The following AFAP1L1 variants were observed in gnomAD, a reference collection of about 807,000 sequenced individuals.
AFAP1L1 encodes the protein actin filament-associated protein 1-like 1.
Under a neutral mutation model 99.8 loss-of-function variants are expected in AFAP1L1, and 77 were observed. The observed-to-expected ratio is 0.77, with a 90% CI of 0.64 to 0.93. AFAP1L1 has a LOEUF of 0.93. Ranked by LOEUF, AFAP1L1 falls within the 40% of genes least tolerant of loss-of-function variation. The pLI, the probability that AFAP1L1 is intolerant of heterozygous loss-of-function variation, is 0.00. For missense variants in AFAP1L1, 893 were observed against 996.8 expected, an observed-to-expected ratio of 0.90 and a Z score of 1.40; for synonymous variants, 373 against 395.3, an observed-to-expected ratio of 0.94 and a Z score of 0.67.
At chr5:149,337,088 T>A (rs998903707) in intron 18 of AFAP1L1, among the ~76,000 whole-genome samples, 3 of 152,172 alleles carry the variant, frequency 2.0e-5, no homozygotes, top group Admixed American at 2.0e-4. Context: ...AATATAAAAT[T>A]AATCTTTATT....
chr5:149,317,952 G>C lies in AFAP1L1; in HGVS notation c.1479+12G>C. On this transcript the variant is annotated intron_variant, in intron 12 of 18. Coordinates refer to ENST00000296721, the MANE Select transcript of AFAP1L1 (RefSeq NM_152406.4). ...TGGCCATCTTGGAGGTGAGAGGAGA[G>C]GGTGGGACGTGGGTGGCTCTTGGTC... is the stretch of plus-strand genomic sequence containing the variant. 1 of 1,559,192 alleles carries C rather than the reference G, an allele frequency of 6.4e-7. No individual in the cohort carries two copies. The highest frequency in any genetic ancestry group is 1.4e-5 in the African/African-American group (1 of 73,600).
chr5:149,291,662 T>G (rs1755866524), intron 1 of AFAP1L1, among the ~76,000 whole-genome samples: 1 of 152,152 alleles, frequency 6.6e-6, no homozygotes, highest in South Asian at 2.1e-4. Flanking sequence ...ATACTGCTTT[T>G]CTTTCCAGGG....
chr5:149,286,376 C>T (rs889827822), intron 1 of AFAP1L1, among the ~76,000 whole-genome samples: 1 of 150,828 alleles, frequency 6.6e-6, no homozygotes, highest in African/African-American at 2.5e-5. Flanking sequence ...ATGCCGCAAA[C>T]AAACAGCACC....
At chr5:149,325,880 T>C (rs1202386134) in intron 15 of AFAP1L1, among the ~76,000 whole-genome samples, 1 of 152,230 alleles carries the variant, frequency 6.6e-6, no homozygotes, top group African/African-American at 2.4e-5. Flanking sequence ...ATCCCATCCA[T>C]GAAGGCAAAG....
At chr5:149,339,980 G>A in intron 18 of AFAP1L1, 27 bp from the exon 19 acceptor site, 1 of 1,613,736 alleles carries the variant, frequency 6.2e-7, no homozygotes, top group South Asian at 1.1e-5. Flanking sequence ...TCAGCAAATT[G>A]ATTTGTCTTC....
intron 1 of AFAP1L1, among the ~76,000 whole-genome samples, chr5:149,297,154 C>T (rs1054010395): frequency 6.6e-5 from 10 of 152,290 alleles, no homozygotes; most frequent in African/African-American, 2.4e-4. Flanking sequence ...GAAAAGATTT[C>T]CTTGAAAACA....
Position 149,335,648 on chromosome 5 carries a change from T to A in AFAP1L1, c.2209T>A (p.Cys737Ser). Reference sequence around the variant, plus strand: ...TCCAGAGCAACCTCTCCCTGTCAACTGTGTTTCTGAGCTGAGGAAGAGGAG... The same window carrying A: ...TCCAGAGCAACCTCTCCCTGTCAACAGTGTTTCTGAGCTGAGGAAGAGGAG... ...SVPEQPLPVN[C>S]VSELRKRSPS... Residue 737 changes from cysteine to serine, a missense_variant, in exon 18 of 19, where the codon TGT (cysteine) becomes AGT (serine). Coordinates refer to ENST00000296721, the MANE Select transcript of AFAP1L1 (RefSeq NM_152406.4). The A allele has an allele frequency of 6.2e-7, 1 of 1,613,466 alleles. No homozygotes were observed. The highest frequency in any genetic ancestry group is 8.5e-7 in the Non-Finnish European group (1 of 1,180,024).
In AFAP1L1 at chr5:149,343,207, A is replaced by C. The variant is rs1320278490; in HGVS notation, c.*3177A>C. Among the ~76,000 whole-genome samples the C allele has an allele frequency of 2.0e-5, 3 of 152,186 alleles. No homozygotes were observed. The highest frequency in any genetic ancestry group is 6.5e-5 in the Admixed American group (1 of 15,280). ...TTAGATAAAAAGATGAAAATACTCC[A>C]GCTCTGTCCTCATGGAACTCAGAGA... On this transcript the variant is annotated 3_prime_UTR_variant, in exon 19 of 19. Transcript: ENST00000296721.
At chr5:149,288,470 G>A (rs1376221772) in intron 1 of AFAP1L1, among the ~76,000 whole-genome samples, 2 of 152,152 alleles carry the variant, frequency 1.3e-5, no homozygotes, top group Non-Finnish European at 2.9e-5. Context: ...AATACTACCT[G>A]CTTTTACCAT....
intron 11 of AFAP1L1, 116 bp downstream of exon 11, chr5:149,316,419 T>C (rs1230560676): frequency 7.6e-7 from 1 of 1,314,756 alleles, no homozygotes; most frequent in Non-Finnish European, 1.0e-6. Context: ...GGGGAGGGAA[T>C]CCAAGCCTAC....
rs1756900441 is a variant in AFAP1L1, at chr5:149,319,734, G to A, written c.1625+7G>A. On this transcript the variant is annotated splice_region_variant and intron_variant, in intron 13 of 18. Coordinates refer to ENST00000296721, the MANE Select transcript of AFAP1L1 (RefSeq NM_152406.4). ...CTGGGCGCAACTCCTTCCTGTAAGT[G>A]TCAGCTGCACTGGCCACACCTGCCC... 1.2e-6 allele frequency: 2 copies of A among 1,611,190 alleles called. No individual in the cohort carries two copies. The highest frequency in any genetic ancestry group is 4.5e-5 in the East Asian group (2 of 44,854).
At chr5:149,280,945 C>T (rs1166051916) in intron 1 of AFAP1L1, among the ~76,000 whole-genome samples, 1 of 152,230 alleles carries the variant, frequency 6.6e-6, no homozygotes, top group African/African-American at 2.4e-5. Context: ...CACATCCAAG[C>T]CCTGGCTCAG....
rs1756781060 is a variant in AFAP1L1 at position 149,315,931 on chromosome 5, G to A, written c.1114+17G>A. The A allele has an allele frequency of 6.2e-7, 1 of 1,613,782 alleles. No individual in the cohort carries two copies. Among genetic ancestry groups the A allele is most frequent in the Non-Finnish European group, 8.5e-7 (1 of 1,179,738 alleles). On this transcript the variant is annotated intron_variant, in intron 10 of 18. Transcript: ENST00000296721. ...GTGATCACGGTAGGAGCCTCTGGGGGCTCAGGCTGGGGAATGCTGGAACTG... is the reference window on the plus strand; with the variant it reads ...GTGATCACGGTAGGAGCCTCTGGGGACTCAGGCTGGGGAATGCTGGAACTG...
chr5:149,307,695 C>A, intron 7 of AFAP1L1, 82 bp downstream of exon 7: 1 of 1,407,064 alleles, frequency 7.1e-7, no homozygotes, highest in South Asian at 1.3e-5. Flanking sequence ...GTGGATATGT[C>A]TGCCTTGGGC....
chr5:149,338,522 A>G (rs1488625249), intron 18 of AFAP1L1, among the ~76,000 whole-genome samples: 1 of 152,206 alleles, frequency 6.6e-6, no homozygotes, highest in African/African-American at 2.4e-5. Context: ...GTTGGAATTG[A>G]ATTTCAGAGC....
chr5:149,299,439 G>A, intron 1 of AFAP1L1, 70 bp from the exon 2 acceptor site: 1 of 1,585,134 alleles, frequency 6.3e-7, no homozygotes. Context: ...TAGGTGGTGG[G>A]GGGCCGAACT....
intron 1 of AFAP1L1, among the ~76,000 whole-genome samples, chr5:149,288,259 G>A (rs1267711041): frequency 6.6e-6 from 1 of 152,208 alleles, no homozygotes; most frequent in Non-Finnish European, 1.5e-5. Context: ...CTTAGGCTCT[G>A]GAATGAGGTC....
intron 1 of AFAP1L1, among the ~76,000 whole-genome samples, chr5:149,294,953 A>C (rs537776302): frequency 6.6e-6 from 1 of 152,298 alleles, no homozygotes; most frequent in Admixed American, 6.5e-5. Context: ...GAGTAACTTC[A>C]CTTCTCTGAG....
Position 149,317,931 on chromosome 5 carries a change from C to T in AFAP1L1, c.1470C>T (p.Ala490=), listed in dbSNP as rs1756846785. 6.4e-7 allele frequency: 1 copy of T among 1,570,212 alleles called. No homozygotes were observed. Among genetic ancestry groups the T allele is most frequent in the Admixed American group, 1.9e-5 (1 of 53,134 alleles). ...FRILRNRQEV[A]ILEASCSEDM... Reference sequence around the variant, plus strand: ...TCCTGCGCAACCGGCAGGAGGTGGCCATCTTGGAGGTGAGAGGAGAGGGTG... The same window carrying T: ...TCCTGCGCAACCGGCAGGAGGTGGCTATCTTGGAGGTGAGAGGAGAGGGTG... Residue 490 remains alanine, a synonymous_variant, in exon 12 of 19, where the codon GCC becomes GCT. Coordinates refer to ENST00000296721, the MANE Select transcript of AFAP1L1 (RefSeq NM_152406.4).
Sources: allele counts gnomAD v4.1 joint callset (sites outside exome capture counted in the v4.1 genomes callset), GRCh38; gene constraint gnomAD v4.1.1; transcripts MANE v1.5; gene names NCBI Gene and HGNC (gene_info 2026-07-23, HGNC 2026-07-21).